MAGI3: variants seen among roughly 807,000 people sequenced by gnomAD.
MAGI3 encodes membrane-associated guanylate kinase, WW and PDZ domain-containing protein 3.
MAGI3 carries 43 observed loss-of-function variants against 121.8 expected under a neutral mutation model. The ratio of observed to expected loss-of-function variants is 0.35; its 90% CI spans 0.28 to 0.46. The LOEUF (loss-of-function observed/expected upper bound fraction) is 0.46. Among genes scored for constraint, MAGI3 ranks in the 20% least tolerant of loss-of-function variants. MAGI3 has a pLI of 1.00. For synonymous variants in MAGI3, 553 were observed against 639.3 expected, an observed-to-expected ratio of 0.86 and a Z score of 2.04; for missense variants, 1,547 against 1,797.3, an observed-to-expected ratio of 0.86 and a Z score of 2.52.
intron 1 of MAGI3, among the ~76,000 whole-genome samples, chr1:113,478,842 C>T (rs1655979248): frequency 6.6e-6 from 1 of 152,226 alleles, no homozygotes; most frequent in Non-Finnish European, 1.5e-5. Context: ...TTCAGCTATG[C>T]CCTGCTCACA....
chr1:113,413,270 G>C (rs1652105054), intron 1 of MAGI3, among the ~76,000 whole-genome samples: 8 of 152,124 alleles, frequency 5.3e-5, no homozygotes. Flanking sequence ...ATGCTGTTTT[G>C]GTCACCGTAG....
At chr1:113,458,099 ATTGT>A (rs939134670) in intron 1 of MAGI3, among the ~76,000 whole-genome samples, 2 of 152,282 alleles carry the variant, frequency 1.3e-5, no homozygotes, top group East Asian at 1.9e-4. Flanking sequence ...AAACCTTTAG[ATTGT>A]TTGTTTGTTT....
intron 1 of MAGI3, among the ~76,000 whole-genome samples, chr1:113,395,989 G>C (rs1357632038): frequency 2.6e-5 from 4 of 152,076 alleles, no homozygotes; most frequent in Non-Finnish European, 5.9e-5. Context: ...TGAGATCCTG[G>C]CACATACTTT....
intron 9 of MAGI3, among the ~76,000 whole-genome samples, chr1:113,623,453 T>TACACACACACACACAC (rs796174057): frequency 0.058 from 7,338 of 125,828 alleles, 306 homozygotes; most frequent in African/African-American, 0.093. Flanking sequence ...TACACACACA[T>TACACACACACACACAC]ACACACACAC....
intron 1 of MAGI3, among the ~76,000 whole-genome samples, chr1:113,437,892 CCT>C (rs1653698245): frequency 3.5e-4 from 2 of 5,696 alleles, no homozygotes; most frequent in Admixed American, 2.4e-3. Context: ...TTCTCCTTCT[CCT>C]TCTCCTTCTC....
chr1:113,440,184 G>A (rs1464930422), intron 1 of MAGI3, among the ~76,000 whole-genome samples: 1 of 152,128 alleles, frequency 6.6e-6, no homozygotes, highest in Non-Finnish European at 1.5e-5. Flanking sequence ...GCAGTGCTGG[G>A]CACATGATAG....
chr1:113,555,326 G>C (rs932107827), intron 2 of MAGI3, among the ~76,000 whole-genome samples: 6 of 152,154 alleles, frequency 3.9e-5, no homozygotes, highest in Non-Finnish European at 7.3e-5. Flanking sequence ...TGATATCAGA[G>C]CAATAGAACT....
At chr1:113,472,835 A>G (rs1655608661) in intron 1 of MAGI3, among the ~76,000 whole-genome samples, 1 of 152,218 alleles carries the variant, frequency 6.6e-6, no homozygotes, top group Non-Finnish European at 1.5e-5. Flanking sequence ...TCAAATACCT[A>G]CAAAAACTTT....
At chr1:113,566,017 T>C (rs1371658614) in intron 2 of MAGI3, among the ~76,000 whole-genome samples, 1 of 152,224 alleles carries the variant, frequency 6.6e-6, no homozygotes, top group African/African-American at 2.4e-5. Context: ...ATTAGAACTT[T>C]TTTTGTCATT....
chr1:113,642,363 C>A lies in MAGI3; in HGVS notation c.1813C>A (p.Leu605Met), dbSNP rs765928524. 2 of 1,613,972 alleles carry A rather than the reference C, an allele frequency of 1.2e-6. No homozygotes were observed. The highest frequency in any genetic ancestry group is 1.7e-6 in the Non-Finnish European group (2 of 1,180,036). The change falls in exon 10 of 21, where the codon CTG becomes ATG. Residue 605 changes from leucine (L) to methionine (M), a missense_variant. Transcript: ENST00000307546. ...TACTGGACAGAAGGTGAAAATGATA[C>A]TGGATAGTCAGTGGTGTCAAGGCCT... is the stretch of plus-strand genomic sequence containing the variant. ...SPTGQKVKMI[L>M]DSQWCQGLQK...
chr1:113,583,613 A>G (rs1032493481), intron 3 of MAGI3, among the ~76,000 whole-genome samples: 1 of 152,244 alleles, frequency 6.6e-6, no homozygotes, highest in African/African-American at 2.4e-5. Flanking sequence ...TAATGGGCAT[A>G]ATTCAGGAAA....
chr1:113,433,846 C>T (rs1653425531), intron 1 of MAGI3, among the ~76,000 whole-genome samples: 1 of 152,120 alleles, frequency 6.6e-6, no homozygotes, highest in Non-Finnish European at 1.5e-5. Flanking sequence ...TTAAAAACCC[C>T]ACAGGTAATC....
intron 1 of MAGI3, among the ~76,000 whole-genome samples, chr1:113,477,550 C>T (rs544105799): frequency 3.9e-5 from 6 of 152,218 alleles, no homozygotes; most frequent in African/African-American, 7.2e-5. Context: ...TGTTGAATAT[C>T]GGCCCCCACT....
chr1:113,567,824 C>T (rs747255170), intron 2 of MAGI3, among the ~76,000 whole-genome samples: 3 of 151,960 alleles, frequency 2.0e-5, no homozygotes, highest in Non-Finnish European at 4.4e-5. Flanking sequence ...CTGGTCTTGC[C>T]ATTACTATTC....
At chr1:113,451,906 C>T (rs1330831030) in intron 1 of MAGI3, among the ~76,000 whole-genome samples, 4 of 152,096 alleles carry the variant, frequency 2.6e-5, no homozygotes, top group African/African-American at 7.2e-5. Context: ...TGGCAATCAC[C>T]CAACTGGTTA....
rs1652790056 is a variant in MAGI3 at position 113,422,720 on chromosome 1, A to G, written c.316+31371A>G. The stretch of plus-strand genomic sequence containing the variant: ...TGGTGGCGCCTGAAAGCTGAGAGAT[A>G]CCAGGAACAGCAGAACCCTATTGCC... On this transcript the variant is annotated intron_variant, in intron 1 of 20. Transcript: ENST00000307546. The surrounding 1 kb of genome is among the most constrained non-coding windows in gnomAD (Gnocchi z 4.3). Among the ~76,000 whole-genome samples, 1 of 152,180 alleles carries G rather than the reference A, an allele frequency of 6.6e-6. No homozygotes were observed. The highest frequency in any genetic ancestry group is 6.5e-5 in the Admixed American group (1 of 15,282).
chr1:113,558,749 A>G (rs368466728), intron 2 of MAGI3, among the ~76,000 whole-genome samples: 159 of 152,300 alleles, frequency 1.0e-3, no homozygotes, highest in African/African-American at 3.7e-3. Flanking sequence ...AATCATCCCC[A>G]AGACAATTCA....
intron 6 of MAGI3, among the ~76,000 whole-genome samples, chr1:113,610,720 G>A (rs575979247): frequency 5.3e-5 from 8 of 152,146 alleles, no homozygotes; most frequent in Admixed American, 4.6e-4. Context: ...GGTGGATCAC[G>A]AGGTCAGGAG....
At chr1:113,558,442 G>T (rs1660087088) in intron 2 of MAGI3, among the ~76,000 whole-genome samples, 1 of 152,068 alleles carries the variant, frequency 6.6e-6, no homozygotes, top group East Asian at 1.9e-4. Flanking sequence ...AATAAACCAA[G>T]CGGGGAAAAG....
Sources: allele counts gnomAD v4.1 joint callset (sites outside exome capture counted in the v4.1 genomes callset), GRCh38; gene constraint gnomAD v4.1.1; non-coding constraint Gnocchi (gnomAD v3.1); transcripts MANE v1.5; gene names NCBI Gene and HGNC (gene_info 2026-07-23, HGNC 2026-07-21).